The following VAV1 variants were observed in gnomAD, a reference collection of about 807,000 sequenced individuals.
VAV1 encodes the protein vav guanine nucleotide exchange factor 1.
A neutral mutation model predicts 128.1 loss-of-function variants in VAV1; 33 were observed. The ratio of observed to expected loss-of-function variants is 0.26; its 90% confidence interval spans 0.20 to 0.34. VAV1 has a LOEUF of 0.34. VAV1 is among the 10% of genes least tolerant of loss of function. The pLI is 1.00. For missense variants in VAV1, 715 were observed against 1,093.7 expected (o/e 0.65, Z 4.88); for synonymous variants, 394 against 409.8 (o/e 0.96, Z 0.47).
intron 1 of VAV1, chr19:6,784,045 G>C (rs1018444749): frequency 2.5e-6 from 1 of 402,488 alleles, no homozygotes; most frequent in African/African-American, 2.0e-5. Context: ...CTTGAGGCTA[G>C]GAATTCGAGA....
chr19:6,795,082 C>G (rs1971100962), intron 1 of VAV1, among the ~76,000 whole-genome samples: 1 of 152,118 alleles, frequency 6.6e-6, no homozygotes, highest in South Asian at 2.1e-4. Context: ...AAGATCAAGC[C>G]AGAAGCTGCA....
rs1380081817 is a variant in VAV1 at position 6,847,889 on chromosome 19, C to G, written c.2013-109C>G. 5.8e-6 allele frequency: 6 copies of G among 1,029,274 alleles called. No individual in the cohort carries two copies. In the African/African-American group the frequency reaches 8.4e-5, roughly 14 times the overall value. 63.8% of individuals were successfully genotyped at this position (1,029,274 alleles called of 1,614,324 possible). A position where few individuals can be genotyped will look rare whatever the true frequency, so the allele number is the denominator to read the frequency against. On this transcript the variant is annotated intron_variant, in intron 22 of 26. Coordinates refer to ENST00000602142, the MANE Select transcript of VAV1 (RefSeq NM_005428.4). ...AAGGGCTGTTAGAGCCAGGCTGTCACCAACTTAAAAAATCAAAGGGGTTCA... is the reference window on the plus strand; with the variant it reads ...AAGGGCTGTTAGAGCCAGGCTGTCAGCAACTTAAAAAATCAAAGGGGTTCA...
chr19:6,836,825 G>A (rs308194), intron 20 of VAV1, among the ~76,000 whole-genome samples, 160 bp from the exon 21 acceptor site: 105,045 of 146,196 alleles, frequency 0.72, 42,392 homozygotes, highest in Non-Finnish European at 0.89. Flanking sequence ...CCATTGAGCA[G>A]AGAGATGGAC....
rs965982852 is a variant in VAV1, at chr19:6,833,284, A to C, written c.1609A>C (p.Arg537=). The part of the protein sequence containing the change: ...TSCKACQMLL[R]GTFYQGYRCH... ...CTGCAAGGCCTGTCAGATGCTGCTT[A>C]GGTGAGAATCTGGGAGGAGGGTCCT... Residue 537 remains arginine (R), a splice_region_variant and synonymous_variant, in exon 16 of 27, where the codon AGA becomes CGA. Transcript: ENST00000602142. The C allele has an allele frequency of 1.2e-6, 2 of 1,608,952 alleles. No homozygotes were observed. Among genetic ancestry groups the C allele is most frequent in the African/African-American group, 2.7e-5 (2 of 74,520 alleles).
chr19:6,836,614 G>A (rs773404759), intron 20 of VAV1, 46 bp downstream of exon 20: 1 of 1,608,096 alleles, frequency 6.2e-7, no homozygotes, highest in Non-Finnish European at 8.5e-7. Flanking sequence ...CCCAAGTGTA[G>A]GGTTATGGAT....
chr19:6,836,349 T>A (rs1972221291), intron 19 of VAV1, 83 bp from the exon 20 acceptor site: 2 of 1,512,132 alleles, frequency 1.3e-6, no homozygotes, highest in Non-Finnish European at 1.8e-6. Flanking sequence ...AAAAGAAAAA[T>A]TTTAGCCATT....
intron 1 of VAV1, among the ~76,000 whole-genome samples, chr19:6,791,727 T>C (rs1971021997): frequency 6.6e-6 from 1 of 152,016 alleles, no homozygotes. Flanking sequence ...CACATTGTAA[T>C]AAATGTCACA....
At chr19:6,843,208 G>T in intron 22 of VAV1, 42 bp downstream of exon 22, 1 of 1,612,888 alleles carries the variant, frequency 6.2e-7, no homozygotes, top group Non-Finnish European at 8.5e-7. Context: ...AGAGGTTTCT[G>T]GGTTGGGGTT....
chr19:6,778,917 G>C (rs1396948752), intron 1 of VAV1, among the ~76,000 whole-genome samples: 3 of 150,212 alleles, frequency 2.0e-5, no homozygotes, highest in East Asian at 3.9e-4. Context: ...TGCTCTGTCA[G>C]CCAGGCTGGA....
intron 19 of VAV1, chr19:6,836,177 A>T (rs569132742): frequency 1.3e-4 from 53 of 393,864 alleles, no homozygotes; most frequent in Admixed American, 3.5e-4. Flanking sequence ...CCCAGCCAGG[A>T]CACATGTTTT....
intron 1 of VAV1, among the ~76,000 whole-genome samples, chr19:6,818,428 C>T (rs1231820077): frequency 1.3e-5 from 2 of 152,180 alleles, no homozygotes; most frequent in African/African-American, 2.4e-5. Flanking sequence ...TCCTCCTCGC[C>T]CACTCTAACT....
intron 1 of VAV1, among the ~76,000 whole-genome samples, chr19:6,798,905 A>ACCCC (rs1971201862): frequency 1.1e-5 from 1 of 88,698 alleles, no homozygotes; most frequent in Non-Finnish European, 2.3e-5. Flanking sequence ...CCTCCATCCC[A>ACCCC]CCCCTCCCTG....
chr19:6,849,387 C>G (rs1972609989), intron 23 of VAV1, among the ~76,000 whole-genome samples: 2 of 142,686 alleles, frequency 1.4e-5, no homozygotes, highest in South Asian at 4.5e-4. Context: ...CTCCCAGGTT[C>G]AAGCGAGTCT....
At chr19:6,815,609 C>G (rs956953128) in intron 1 of VAV1, among the ~76,000 whole-genome samples, 1 of 152,160 alleles carries the variant, frequency 6.6e-6, no homozygotes, top group Non-Finnish European at 1.5e-5. Context: ...GTGTGAGAAA[C>G]AGGGTTACAA....
intron 19 of VAV1, chr19:6,836,164 G>A (rs1267882828): frequency 4.0e-5 from 13 of 325,194 alleles, no homozygotes; most frequent in Admixed American, 8.7e-5. Flanking sequence ...ATGAGCCACC[G>A]TGCCCAGCCA....
chr19:6,773,457 TCTC>T (rs1293991393), intron 1 of VAV1, among the ~76,000 whole-genome samples: 2 of 152,096 alleles, frequency 1.3e-5, no homozygotes, highest in Non-Finnish European at 1.5e-5. Flanking sequence ...CCCACATGTG[TCTC>T]CTCCTCCCGG....
At chr19:6,795,363 G>C (rs938869580) in intron 1 of VAV1, among the ~76,000 whole-genome samples, 2 of 152,072 alleles carry the variant, frequency 1.3e-5, no homozygotes, top group Non-Finnish European at 2.9e-5. Flanking sequence ...TCTGAACTCT[G>C]TGTATCGCTC....
At chr19:6,803,825 A>G (rs557190517) in intron 1 of VAV1, among the ~76,000 whole-genome samples, 1 of 152,298 alleles carries the variant, frequency 6.6e-6, no homozygotes, top group South Asian at 2.1e-4. Flanking sequence ...TCGGCCTCCC[A>G]AAGTGCTGAG....
chr19:6,832,557 C>T (rs906925568), intron 15 of VAV1, among the ~76,000 whole-genome samples: 37 of 86,794 alleles, frequency 4.3e-4, no homozygotes, highest in South Asian at 1.5e-3. Flanking sequence ...CTTCCTCCTC[C>T]TCTCCTTCCT....
Sources: allele counts gnomAD v4.1 joint callset (sites outside exome capture counted in the v4.1 genomes callset), GRCh38; gene constraint gnomAD v4.1.1; transcripts MANE v1.5; gene names NCBI Gene and HGNC (gene_info 2026-07-23, HGNC 2026-07-21).